TASP1: variants seen among roughly 807,000 people sequenced by gnomAD.
TASP1 encodes taspase 1.
TASP1 carries 16 observed loss-of-function variants against 56.6 expected under a neutral mutation model. The ratio of observed to expected loss-of-function variants is 0.28; its 90% CI spans 0.19 to 0.43. The LOEUF is 0.43. Ranked by LOEUF, TASP1 falls within the 20% of genes least tolerant of loss-of-function variation. The pLI, the probability that TASP1 is intolerant of heterozygous loss-of-function variation, is 1.00. For synonymous variants in TASP1, 179 were observed against 184.2 expected (o/e 0.97, Z 0.23); for missense variants, 393 against 511.6 (o/e 0.77, Z 2.24).
chr20:13,222,303 C>T, the TASP1 span, among the ~76,000 whole-genome samples: 1 of 152,114 alleles, frequency 6.6e-6, no homozygotes, highest in Non-Finnish European at 1.5e-5. Flanking sequence ...GCTGGAGGGA[C>T]GCAAGGAGAC....
chr20:13,219,570 T>C, the TASP1 span, among the ~76,000 whole-genome samples: 1 of 147,992 alleles, frequency 6.8e-6, no homozygotes, highest in Non-Finnish European at 1.5e-5. Flanking sequence ...TCCAAACATC[T>C]CCCCTCCTCC....
intron 10 of TASP1, among the ~76,000 whole-genome samples, chr20:13,524,630 AG>A (rs1215478707): frequency 6.6e-6 from 1 of 152,214 alleles, no homozygotes; most frequent in African/African-American, 2.4e-5. Flanking sequence ...TTTATTTTCT[AG>A]AAAAAGCTGA....
At chr20:13,252,526 G>A in the TASP1 span, among the ~76,000 whole-genome samples, 1 of 152,072 alleles carries the variant, frequency 6.6e-6, no homozygotes, top group Non-Finnish European at 1.5e-5. Flanking sequence ...CAAGGCAGGC[G>A]GATCATTTGA....
chr20:13,456,442 T>G (rs2043840575), intron 11 of TASP1, among the ~76,000 whole-genome samples: 1 of 152,138 alleles, frequency 6.6e-6, no homozygotes, highest in Non-Finnish European at 1.5e-5. Context: ...ATTTGGCTCC[T>G]TCTTTTTGTT....
intron 13 of TASP1, among the ~76,000 whole-genome samples, chr20:13,395,134 G>A (rs2041474291): frequency 1.3e-5 from 2 of 152,214 alleles, no homozygotes; most frequent in African/African-American, 4.8e-5. Flanking sequence ...CTCTTCCAGA[G>A]AGAGATCATT....
intron 11 of TASP1, among the ~76,000 whole-genome samples, chr20:13,461,899 C>T (rs748068735): frequency 1.4e-4 from 21 of 152,130 alleles, no homozygotes; most frequent in Middle Eastern, 3.2e-3. Context: ...GATGTTTATA[C>T]AAGATTCATT....
At chr20:13,132,403 C>T in the TASP1 span, among the ~76,000 whole-genome samples, 1 of 151,966 alleles carries the variant, frequency 6.6e-6, no homozygotes, top group Non-Finnish European at 1.5e-5. Flanking sequence ...TCTTGAGCTC[C>T]CGACCTCAAG....
At chr20:13,578,092 G>A (rs1289328714) in intron 6 of TASP1, among the ~76,000 whole-genome samples, 1 of 151,886 alleles carries the variant, frequency 6.6e-6, no homozygotes, top group Non-Finnish European at 1.5e-5. Context: ...TCTCTCAACT[G>A]GCTGTTTATG....
intron 4 of TASP1, among the ~76,000 whole-genome samples, chr20:13,590,650 A>ACCTG (rs2047490060): frequency 2.0e-5 from 3 of 152,042 alleles, no homozygotes; most frequent in Non-Finnish European, 2.9e-5. Flanking sequence ...GGAGGATTAC[A>ACCTG]AGGTCAGGCA....
chr20:13,428,954 A>G (rs2042708382), intron 12 of TASP1, among the ~76,000 whole-genome samples: 1 of 152,242 alleles, frequency 6.6e-6, no homozygotes, highest in Non-Finnish European at 1.5e-5. Context: ...TATTAAGTTC[A>G]ATATGACATG....
At chr20:13,351,736 CA>C in the TASP1 span, among the ~76,000 whole-genome samples, 6 of 152,252 alleles carry the variant, frequency 3.9e-5, no homozygotes, top group East Asian at 1.2e-3. Flanking sequence ...ATACTTGTAG[CA>C]TACTGTATAC....
chr20:13,483,558 C>G (rs370767510), intron 10 of TASP1, among the ~76,000 whole-genome samples: 17 of 152,188 alleles, frequency 1.1e-4, no homozygotes, highest in African/African-American at 4.1e-4. Flanking sequence ...CAAACCAATA[C>G]AAATTAATAT....
chr20:13,231,797 G>A, the TASP1 span, among the ~76,000 whole-genome samples: 1 of 152,112 alleles, frequency 6.6e-6, no homozygotes, highest in Non-Finnish European at 1.5e-5. Context: ...CTTCAAGTTT[G>A]GGTCTCTGAG....
At chr20:13,114,306 G>A in the TASP1 span, among the ~76,000 whole-genome samples, 9 of 152,178 alleles carry the variant, frequency 5.9e-5, no homozygotes, top group Non-Finnish European at 1.2e-4. Context: ...TTTTCATTAA[G>A]TATCATTTTA....
the TASP1 span, among the ~76,000 whole-genome samples, chr20:13,279,162 G>A: frequency 6.6e-6 from 1 of 152,158 alleles, no homozygotes; most frequent in South Asian, 2.1e-4. Flanking sequence ...GAGCATTTAG[G>A]ATAGTGCCTG....
chr20:13,404,353 A>G (rs965394979), intron 13 of TASP1, among the ~76,000 whole-genome samples: 1 of 152,226 alleles, frequency 6.6e-6, no homozygotes, highest in African/African-American at 2.4e-5. Flanking sequence ...TTGTAATCTC[A>G]GTGCTTTGGG....
At position 13,591,643 on chromosome 20, in the gene TASP1, T is replaced by G. The variant is rs990935660; in HGVS notation, c.283-4273A>C. The stretch of plus-strand genomic sequence containing the variant: ...TGTAAATCTGGGATATGCAAAAGAA[T>G]GCAAGTGATTAATACTCTAAATAAG... On this transcript the variant is annotated intron_variant, in intron 4 of 13. Transcript: ENST00000337743. Among the ~76,000 whole-genome samples, 3 of 152,282 alleles carry G rather than the reference T, an allele frequency of 2.0e-5. No individual in the cohort carries two copies. The East Asian group carries it at 5.8e-4, about 29-fold the overall frequency.
chr20:13,441,078 C>G (rs1308523661), intron 11 of TASP1, among the ~76,000 whole-genome samples: 1 of 152,154 alleles, frequency 6.6e-6, no homozygotes, highest in Non-Finnish European at 1.5e-5. Flanking sequence ...CCCTCTCCAA[C>G]AAGTCAACAC....
intron 13 of TASP1, among the ~76,000 whole-genome samples, chr20:13,415,680 C>T (rs146788287): frequency 6.6e-6 from 1 of 151,806 alleles, no homozygotes; most frequent in East Asian, 1.9e-4. Flanking sequence ...TCTTCGGGCT[C>T]ATAGCAGGAC....
Sources: gnomAD v4.1 joint callset for allele counts (sites outside exome capture counted in the v4.1 genomes callset) on GRCh38, gnomAD v4.1.1 for gene constraint, MANE v1.5 for transcripts, NCBI Gene and HGNC (gene_info 2026-07-23, HGNC 2026-07-21) for gene names.